The following AOPEP variants were observed in gnomAD, a reference collection of about 807,000 sequenced individuals.
AOPEP encodes aminopeptidase O (putative), also known as aminopeptidase O.
A neutral mutation model predicts 98.1 loss-of-function variants in AOPEP; 77 were observed. The ratio of observed to expected loss-of-function variants is 0.78; its 90% CI spans 0.65 to 0.95. The LOEUF (loss-of-function observed/expected upper bound fraction) is 0.95. Among genes scored for constraint, AOPEP ranks in the 40% least tolerant of loss-of-function variants. The probability of loss-of-function intolerance (pLI) is 0.00; values close to 1 mark genes in which losing one functional copy is unlikely to be tolerated. For missense variants in AOPEP, 1,024 were observed against 1,024.7 expected (o/e 1.00, Z 0.01); for synonymous variants, 346 against 365.3 (o/e 0.95, Z 0.60).
chr9:94,738,661 C>T (rs1041950734), intron 1 of AOPEP, among the ~76,000 whole-genome samples: 1 of 152,196 alleles, frequency 6.6e-6, no homozygotes, highest in African/African-American at 2.4e-5. Context: ...GCAAGTTCCG[C>T]TCCCCGGGTT....
At chr9:95,003,142 A>ATGTGTGTGTGTGTGTG (rs139797365) in intron 11 of AOPEP, among the ~76,000 whole-genome samples, 29 of 149,474 alleles carry the variant, frequency 1.9e-4, no homozygotes, top group African/African-American at 6.9e-4. Flanking sequence ...AGAATTAAGA[A>ATGTGTGTGTGTGTGTG]TGTGTGTGTG....
In AOPEP at chr9:94,759,891, T is replaced by C. The variant is rs756041528; in HGVS notation, c.108T>C (p.Ser36=). The C allele has an allele frequency of 8.1e-6, 13 of 1,613,984 alleles. No homozygotes were observed. The highest frequency in any genetic ancestry group is 1.0e-5 in the Non-Finnish European group (12 of 1,180,020). Reference sequence around the variant, plus strand: ...TGGATTTGGATGTGGATTTTGAAAGTCAAGTCATTGAGGGGACCATAGTGC... The same window carrying C: ...TGGATTTGGATGTGGATTTTGAAAGCCAAGTCATTGAGGGGACCATAGTGC... The part of the protein sequence containing the change: ...YVLDLDVDFE[S]QVIEGTIVLF... Residue 36 remains serine, a synonymous_variant, in exon 2 of 17, where the codon AGT becomes AGC. Coordinates refer to ENST00000375315, the MANE Select transcript of AOPEP (RefSeq NM_001193329.3).
At chr9:95,106,760 G>A in the AOPEP span, among the ~76,000 whole-genome samples, 3 of 152,246 alleles carry the variant, frequency 2.0e-5, no homozygotes, top group African/African-American at 7.2e-5. Flanking sequence ...AGCACACTGC[G>A]ATGGAAAGAA....
intron 11 of AOPEP, among the ~76,000 whole-genome samples, chr9:95,001,393 A>C (rs2061551413): frequency 6.6e-6 from 1 of 152,250 alleles, no homozygotes; most frequent in Non-Finnish European, 1.5e-5. Flanking sequence ...GCATTTTTAA[A>C]GATACAATTC....
the AOPEP span, among the ~76,000 whole-genome samples, chr9:95,142,103 C>G: frequency 6.7e-6 from 1 of 149,920 alleles, no homozygotes; most frequent in Admixed American, 6.7e-5. Flanking sequence ...AGCAATTCTC[C>G]TGCCTCAGCC....
At chr9:95,088,851 T>G (rs1340495001), downstream of AOPEP, among the ~76,000 whole-genome samples, 1 of 152,234 alleles carries the variant, frequency 6.6e-6, no homozygotes, top group African/African-American at 2.4e-5. Flanking sequence ...CCACCGGGGA[T>G]CTGGCCAGTG....
chr9:95,035,327 G>A (rs1452827634), intron 13 of AOPEP, among the ~76,000 whole-genome samples: 1 of 151,968 alleles, frequency 6.6e-6, no homozygotes, highest in East Asian at 1.9e-4. Context: ...GATGTATCTC[G>A]TAGGAGCAGT....
At chr9:95,091,431 TTTGG>T (rs1039752095), downstream of AOPEP, among the ~76,000 whole-genome samples, 6 of 152,162 alleles carry the variant, frequency 3.9e-5, no homozygotes, top group African/African-American at 1.4e-4. Context: ...GTGGTGGCTC[TTTGG>T]TTAGTTGGTG....
chr9:94,890,819 T>A (rs964537322), intron 5 of AOPEP, among the ~76,000 whole-genome samples: 1 of 152,258 alleles, frequency 6.6e-6, no homozygotes, highest in Admixed American at 6.5e-5. Context: ...GAATATATTC[T>A]CTATGATTTG....
At chr9:94,818,110 C>T (rs1244542069) in intron 5 of AOPEP, among the ~76,000 whole-genome samples, 1 of 152,200 alleles carries the variant, frequency 6.6e-6, no homozygotes, top group Non-Finnish European at 1.5e-5. Context: ...GCAGTCAGTG[C>T]TCTATCCCCA....
At chr9:94,821,970 AACACACACAC>A (rs34645632) in intron 5 of AOPEP, among the ~76,000 whole-genome samples, 12,685 of 141,414 alleles carry the variant, frequency 0.09, 615 homozygotes, top group South Asian at 0.13. Flanking sequence ...TGTGTGTGTA[AACACACACAC>A]ACACACACAC....
Position 94,861,874 on chromosome 9 carries a change from G to A in AOPEP, c.1364+60872G>A, listed in dbSNP as rs557422634. Among the ~76,000 whole-genome samples, 19 of 152,360 alleles carry A rather than the reference G, an allele frequency of 1.2e-4. No homozygotes were observed. In the East Asian group the frequency reaches 3.7e-3, roughly 29 times the overall value. On this transcript the variant is annotated intron_variant, in intron 5 of 16. Coordinates refer to ENST00000375315, the MANE Select transcript of AOPEP (RefSeq NM_001193329.3). Reference sequence around the variant, plus strand: ...TGCTCTTCTGAAGCACGTTCTGCGAGTGAAGGCTGCACTACGTCTTTCATG... The same window carrying A: ...TGCTCTTCTGAAGCACGTTCTGCGAATGAAGGCTGCACTACGTCTTTCATG...
At chr9:94,848,326 C>A (rs924395233) in intron 5 of AOPEP, among the ~76,000 whole-genome samples, 8 of 152,038 alleles carry the variant, frequency 5.3e-5, no homozygotes, top group Middle Eastern at 3.4e-3. Context: ...GTGGCAGGTG[C>A]CTAGAGTCCC....
Position 94,897,572 on chromosome 9 carries a change from TA to T in AOPEP, c.1365-26409del, listed in dbSNP as rs555159142. On this transcript the variant is annotated intron_variant, in intron 5 of 16. Transcript: ENST00000375315. ...AGAAATAGTGATAAAACATGTTTAA[TA>T]AAAACTTCAAACTTCTAATTGAAAG... is the stretch of plus-strand genomic sequence containing the variant. Among the ~76,000 whole-genome samples the T allele has an allele frequency of 6.5e-3, 993 of 152,234 alleles. 15 individuals are homozygous for T. Among genetic ancestry groups the T allele is most frequent in the African/African-American group, 0.023 (947 of 41,546 alleles).
intron 10 of AOPEP, among the ~76,000 whole-genome samples, chr9:94,978,975 T>C (rs1321647934): frequency 1.3e-5 from 2 of 152,142 alleles, no homozygotes; most frequent in African/African-American, 4.8e-5. Context: ...AGATTTCGTG[T>C]TGACGCACTC....
Position 94,841,826 on chromosome 9 carries a change from A to G in AOPEP, c.1364+40824A>G, listed in dbSNP as rs141249721. 5.3e-3 allele frequency among the ~76,000 whole-genome samples: 800 copies of G among 152,252 alleles called. 12 individuals carry two copies. Among genetic ancestry groups the G allele is most frequent in the South Asian group, 0.044 (211 of 4,828 alleles). On this transcript the variant is annotated intron_variant, in intron 5 of 16. Transcript: ENST00000375315. ...CAACATTTTGGGAGGTCAAGGCAGG[A>G]GGACTGCTTGAACCCAGGAGTTTGA...
chr9:95,101,665 C>G, the AOPEP span: 10 of 1,611,114 alleles, frequency 6.2e-6, no homozygotes, highest in African/African-American at 1.3e-4. Context: ...CCCTGGCGAG[C>G]CTGATCCCTC....
intron 5 of AOPEP, among the ~76,000 whole-genome samples, chr9:94,834,256 CT>C (rs1440736445): frequency 6.6e-6 from 1 of 152,128 alleles, no homozygotes; most frequent in Non-Finnish European, 1.5e-5. Flanking sequence ...AACGTGGTTT[CT>C]TCAAAAGATA....
At chr9:94,735,289 C>T (rs1408136898) in intron 1 of AOPEP, among the ~76,000 whole-genome samples, 2 of 152,120 alleles carry the variant, frequency 1.3e-5, no homozygotes, top group African/African-American at 2.4e-5. Context: ...GGTGCGATCT[C>T]GGCTCACTGC....
Sources: allele counts gnomAD v4.1 joint callset (sites outside exome capture counted in the v4.1 genomes callset), GRCh38; gene constraint gnomAD v4.1.1; transcripts MANE v1.5; gene names NCBI Gene and HGNC (gene_info 2026-07-23, HGNC 2026-07-21).